The following ZFHX3 variants were observed in gnomAD, a reference collection of about 807,000 sequenced individuals.
ZFHX3 encodes the protein zinc finger homeobox 3, also known as zinc finger homeobox protein 3.
A neutral mutation model predicts 279.1 loss-of-function variants in ZFHX3; 42 were observed. The ratio of observed to expected loss-of-function variants is 0.15; its 90% CI spans 0.12 to 0.19. The LOEUF is 0.19. Among genes scored for constraint, ZFHX3 ranks in the 10% least tolerant of loss-of-function variants. ZFHX3 has a pLI of 1.00. For missense variants in ZFHX3, 4,981 were observed against 4,754.0 expected (o/e 1.05, Z -1.40); for synonymous variants, 2,293 against 1,957.8 (o/e 1.17, Z -4.52).
intron 5 of ZFHX3, among the ~76,000 whole-genome samples, chr16:73,214,171 T>A (rs1728811280): frequency 6.6e-6 from 1 of 152,196 alleles, no homozygotes; most frequent in Admixed American, 6.5e-5. Context: ...CAGTGCTTCA[T>A]CTTTAACCCT....
chr16:72,935,951 G>C (rs1960101609), intron 3 of ZFHX3, among the ~76,000 whole-genome samples: 1 of 152,188 alleles, frequency 6.6e-6, no homozygotes. Context: ...TGATGAGAGT[G>C]CTGGGGAGAA....
At chr16:73,646,872 T>C (rs2052622640) in intron 2 of ZFHX3, among the ~76,000 whole-genome samples, 1 of 152,184 alleles carries the variant, frequency 6.6e-6, no homozygotes, top group African/African-American at 2.4e-5. Flanking sequence ...ATAAGTGAGC[T>C]CGTCTCAGAG....
intron 3 of ZFHX3, among the ~76,000 whole-genome samples, chr16:72,915,412 G>A (rs1385321853): frequency 6.6e-6 from 1 of 152,082 alleles, no homozygotes; most frequent in African/African-American, 2.4e-5. Context: ...CAGCGTGGCG[G>A]GCCTCTGCTC....
At chr16:73,016,404 A>G (rs1597094901) in intron 1 of ZFHX3, among the ~76,000 whole-genome samples, 1 of 152,172 alleles carries the variant, frequency 6.6e-6, no homozygotes, top group Non-Finnish European at 1.5e-5. Context: ...AAAACAAAAC[A>G]TAACCACCTT....
chr16:73,214,632 C>G (rs1189503380), intron 5 of ZFHX3, among the ~76,000 whole-genome samples: 3 of 152,132 alleles, frequency 2.0e-5, no homozygotes, highest in Non-Finnish European at 4.4e-5. Flanking sequence ...CATCTGAGTT[C>G]ACTTCCCATG....
At chr16:72,947,041 C>T (rs17680796) in intron 3 of ZFHX3, among the ~76,000 whole-genome samples, 44,080 of 152,086 alleles carry the variant, frequency 0.29, 7,811 homozygotes, top group Non-Finnish European at 0.38. Context: ...GATCCCAAGA[C>T]GGTAAATGTT....
chr16:73,667,598 G>C (rs1392390125), intron 2 of ZFHX3, among the ~76,000 whole-genome samples: 1 of 152,170 alleles, frequency 6.6e-6, no homozygotes, highest in Non-Finnish European at 1.5e-5. Context: ...GTAAGAATGA[G>C]TTAAAAATGC....
intron 2 of ZFHX3, among the ~76,000 whole-genome samples, chr16:73,496,932 T>A (rs879047544): frequency 6.6e-6 from 1 of 152,176 alleles, no homozygotes; most frequent in Non-Finnish European, 1.5e-5. Context: ...TTCTTGTGAT[T>A]CCACCTTCCA....
chr16:73,556,340 AG>A (rs2020282454), intron 2 of ZFHX3, among the ~76,000 whole-genome samples: 1 of 152,200 alleles, frequency 6.6e-6, no homozygotes, highest in South Asian at 2.1e-4. Flanking sequence ...CGGAAGAAAC[AG>A]GGGCTAATGT....
intron 5 of ZFHX3, among the ~76,000 whole-genome samples, chr16:73,197,742 T>A (rs1419840519): frequency 6.6e-6 from 1 of 152,158 alleles, no homozygotes; most frequent in African/African-American, 2.4e-5. Context: ...ATCACAAACC[T>A]TACTTGACAT....
chr16:73,595,283 C>A (rs1953678709), intron 2 of ZFHX3, among the ~76,000 whole-genome samples: 1 of 152,178 alleles, frequency 6.6e-6, no homozygotes, highest in Non-Finnish European at 1.5e-5. Flanking sequence ...GTCAGCACAT[C>A]CCATGGGCCA....
Position 73,111,787 on chromosome 16 carries a change from C to T in ZFHX3, c.-896-18189G>A, listed in dbSNP as rs8054405. ...GGGAAGGAGAGAGGGAGGGATTCGC[C>T]GTGCACCTAACACATTCTAAACCCT... On this transcript the variant is annotated intron_variant, in intron 7 of 17. Transcript: ENST00000641206. Among the ~76,000 whole-genome samples, 1,068 of 152,002 alleles carry T rather than the reference C, an allele frequency of 7.0e-3. 18 individuals carry two copies. The highest frequency in any genetic ancestry group is 0.025 in the African/African-American group (1,017 of 41,476).
chr16:73,654,794 A>G (rs1392493402), intron 2 of ZFHX3, among the ~76,000 whole-genome samples: 2 of 150,636 alleles, frequency 1.3e-5, no homozygotes, highest in East Asian at 1.9e-4. Context: ...AGCAAACTAG[A>G]AATTAAAATA....
intron 1 of ZFHX3, among the ~76,000 whole-genome samples, chr16:72,992,359 C>T (rs1313998821): frequency 1.3e-5 from 2 of 152,168 alleles, no homozygotes; most frequent in Non-Finnish European, 2.9e-5. Context: ...CCCATTAATG[C>T]CTTTCCCCTC....
intron 1 of ZFHX3, among the ~76,000 whole-genome samples, chr16:73,769,677 T>C (rs1443743231): frequency 6.6e-6 from 1 of 152,162 alleles, no homozygotes; most frequent in Admixed American, 6.6e-5. Flanking sequence ...AAACTACTTC[T>C]TTATTGAAGC....
Position 73,510,990 on chromosome 16 carries a change from C to A in ZFHX3, c.-1546-54732G>T, listed in dbSNP as rs190307409. Among the ~76,000 whole-genome samples the A allele has an allele frequency of 4.3e-4, 65 of 152,354 alleles. 5 individuals are homozygous for A. The highest frequency in any genetic ancestry group is 1.5e-3 in the African/African-American group (63 of 41,588). On this transcript the variant is annotated intron_variant, in intron 2 of 17. Transcript: ENST00000641206. ...CCAGATTTTTGCAGGTACAACCAGA[C>A]AGGGCTTTGCCTTTGGATGTGCCTC... is the stretch of plus-strand genomic sequence containing the variant.
chr16:73,759,727 G>A (rs1363877902), intron 1 of ZFHX3, among the ~76,000 whole-genome samples: 4 of 152,086 alleles, frequency 2.6e-5, no homozygotes, highest in Non-Finnish European at 5.9e-5. Flanking sequence ...AGGATACTTT[G>A]GTTTCCAGTA....
chr16:72,866,047 C>A (rs112367957), intron 4 of ZFHX3, among the ~76,000 whole-genome samples: 2 of 152,052 alleles, frequency 1.3e-5, no homozygotes, highest in Non-Finnish European at 2.9e-5. Context: ...TAATGTGATG[C>A]GGTCGTGAGA....
intron 7 of ZFHX3, among the ~76,000 whole-genome samples, chr16:73,114,700 A>G (rs561612746): frequency 1.6e-4 from 25 of 152,318 alleles, no homozygotes; most frequent in Middle Eastern, 3.4e-3. Context: ...AGTAAAATAA[A>G]AAAAATAAAA....
Sources: allele counts gnomAD v4.1 joint callset (sites outside exome capture counted in the v4.1 genomes callset), GRCh38; gene constraint gnomAD v4.1.1; transcripts MANE v1.5; gene names NCBI Gene and HGNC (gene_info 2026-07-23, HGNC 2026-07-21).